ZNF614: variants seen among roughly 807,000 people sequenced by gnomAD.
ZNF614 encodes zinc finger protein 614.
In ZNF614, 11 loss-of-function variants were observed where a neutral mutation model predicts 12.8. The ratio of observed to expected loss-of-function variants is 0.86; its 90% confidence interval spans 0.54 to 1.43. The LOEUF (loss-of-function observed/expected upper bound fraction) is 1.43, where lower values mean the gene tolerates loss of function less well. ZNF614 is among the 40% of genes most tolerant of loss of function. ZNF614 has a pLI of 0.00. For missense variants in ZNF614, 664 were observed against 708.8 expected, an observed-to-expected ratio of 0.94 and a Z score of 0.72; for synonymous variants, 237 against 237.5, an observed-to-expected ratio of 1.00 and a Z score of 0.02.
intron 2 of ZNF614, among the ~76,000 whole-genome samples, chr19:52,025,090 C>A (rs2086962647): frequency 6.6e-6 from 1 of 152,120 alleles, no homozygotes; most frequent in African/African-American, 2.4e-5. Flanking sequence ...GCCTGGGCAA[C>A]AGAGCAAGAC....
intron 2 of ZNF614, 66 bp from the exon 3 acceptor site, chr19:52,018,560 A>AT: frequency 6.7e-7 from 1 of 1,488,290 alleles, no homozygotes; most frequent in Non-Finnish European, 9.0e-7. Flanking sequence ...GTATAAGATA[A>AT]TTTTTTAAAA....
chr19:52,018,645 C>A, intron 2 of ZNF614, 151 bp from the exon 3 acceptor site: 1 of 725,862 alleles, frequency 1.4e-6, no homozygotes. Context: ...TCTATCTATA[C>A]ATTTTAGCGC....
chr19:52,017,101 A>C lies in ZNF614; in HGVS notation c.497T>G (p.Leu166Arg). The change falls in exon 5 of 5, where the codon CTA becomes CGA. Residue 166 changes from leucine (L) to arginine (R), a missense_variant. Physicochemically the swap from Leu to Arg is moderately radical, Grantham distance 102 (BLOSUM62 -2). Transcript: ENST00000270649. ...VEFIGGEKTL[L>R]HGKHERTHTK... Reference sequence around the variant, plus strand: ...ATGCGTACGTTCATGCTTACCATGTAGAAGTGTTTTCTCACCTCCAATAAA... The same window carrying C: ...ATGCGTACGTTCATGCTTACCATGTCGAAGTGTTTTCTCACCTCCAATAAA... The C allele has an allele frequency of 1.9e-6, 3 of 1,614,224 alleles. No individual in the cohort carries two copies. Among genetic ancestry groups the C allele is most frequent in the Non-Finnish European group, 2.5e-6 (3 of 1,180,038 alleles).
chr19:52,026,853 G>A (rs2086978261), intron 1 of ZNF614, among the ~76,000 whole-genome samples: 1 of 152,192 alleles, frequency 6.6e-6, no homozygotes, highest in Non-Finnish European at 1.5e-5. Flanking sequence ...TTGTGTGCGT[G>A]CACATCAAGG....
chr19:52,016,191 G>A lies in ZNF614; in HGVS notation c.1407C>T (p.Cys469=). The change falls in exon 5 of 5, where the codon TGC becomes TGT. Residue 469 remains cysteine, a synonymous_variant. Coordinates refer to ENST00000270649, the MANE Select transcript of ZNF614 (RefSeq NM_025040.4). ...TATGACATCTCTCATGTTGTATGAG[G>A]CATATTTTCTGGCTGAAGGCTTTAC... The part of the protein sequence containing the change: ...ECGKAFSQKI[C]LIQHERCHTG... 6.2e-7 allele frequency: 1 copy of A among 1,614,032 alleles called. No individual in the cohort carries two copies. The highest frequency in any genetic ancestry group is 1.1e-5 in the South Asian group (1 of 91,084).
chr19:52,017,975 C>T, intron 4 of ZNF614, 33 bp downstream of exon 4: 1 of 1,548,542 alleles, frequency 6.5e-7, no homozygotes. Context: ...AATAAGACTC[C>T]TATAGCCACT....
At chr19:52,025,583 G>A (rs1312685520) in intron 2 of ZNF614, 148 bp downstream of exon 2, 3 of 861,942 alleles carry the variant, frequency 3.5e-6, no homozygotes, top group African/African-American at 1.7e-5. Flanking sequence ...TACTTCTTAA[G>A]GCAGAATGAA....
At position 52,014,589 on chromosome 19, in the gene ZNF614, T is replaced by C. The variant is rs530342970; in HGVS notation, c.*1251A>G. 1 of 152,316 alleles carries C rather than the reference T, an allele frequency of 6.6e-6. No individual in the cohort carries two copies. Among genetic ancestry groups the C allele is most frequent in the African/African-American group, 2.4e-5 (1 of 41,560 alleles). The allele number at this position is 152,316 out of a possible 1,614,324, so 9.4% of individuals were successfully genotyped here. On this transcript the variant is annotated 3_prime_UTR_variant, in exon 5 of 5. Coordinates refer to ENST00000270649, the MANE Select transcript of ZNF614 (RefSeq NM_025040.4). ...ATGAACACTCAAATGAAGAGGTACA[T>C]AGAGTAAAGCCTAAAAAGGGTTCTC...
chr19:52,017,257 A>G lies in ZNF614; in HGVS notation c.341T>C (p.Val114Ala). 6.2e-7 allele frequency: 1 copy of G among 1,614,084 alleles called. No homozygotes were observed. The highest frequency in any genetic ancestry group is 1.3e-5 in the African/African-American group (1 of 75,058). Reference protein sequence around the residue: ...CNGQNTLRNIVHLSKTHFPIV... With the variant: ...CNGQNTLRNIAHLSKTHFPIV... ...AGGAAAATGTGTCTTGCTGAGATGT[A>G]CAATATTTCTAAGTGTATTCTGTCC... Residue 114 changes from valine to alanine, a missense_variant, in exon 5 of 5, where the codon GTA becomes GCA. Physicochemically the swap from Val to Ala is moderately conservative, Grantham distance 64. Coordinates refer to ENST00000270649, the MANE Select transcript of ZNF614 (RefSeq NM_025040.4).
rs2086891230 is a variant in ZNF614, at chr19:52,015,612, A to C, written c.*228T>G. The C allele has an allele frequency of 2.3e-6, 1 of 444,088 alleles. No homozygotes were observed. Among genetic ancestry groups the C allele is most frequent in the Non-Finnish European group, 4.0e-6 (1 of 250,946 alleles). 27.5% of individuals were successfully genotyped at this position (444,088 alleles called of 1,614,324 possible). On this transcript the variant is annotated 3_prime_UTR_variant, in exon 5 of 5. Transcript: ENST00000270649. ...TTCAACGTATTTTCATTGACAGAAA[A>C]TATGAGGTAAAAGACCACTAAAGGC...
Position 52,015,621 on chromosome 19 carries a change from A to G in ZNF614, c.*219T>C, listed in dbSNP as rs2086891301. 1 of 468,352 alleles carries G rather than the reference A, an allele frequency of 2.1e-6. No homozygotes were observed. Among genetic ancestry groups the G allele is most frequent in the Admixed American group, 3.8e-5 (1 of 26,308 alleles). The allele number at this position is 468,352 out of a possible 1,614,324, so 29.0% of individuals were successfully genotyped here. ...TTTTCATTGACAGAAAATATGAGGTAAAAGACCACTAAAGGCACTACCTTA... is the reference window on the plus strand; with the variant it reads ...TTTTCATTGACAGAAAATATGAGGTGAAAGACCACTAAAGGCACTACCTTA... On this transcript the variant is annotated 3_prime_UTR_variant, in exon 5 of 5. Transcript: ENST00000270649.
intron 2 of ZNF614, among the ~76,000 whole-genome samples, chr19:52,022,371 C>A (rs2123125314): frequency 6.6e-6 from 1 of 152,068 alleles, no homozygotes; most frequent in East Asian, 1.9e-4. Flanking sequence ...AGCACCTCTG[C>A]CCGGCCGCCC....
intron 3 of ZNF614, 33 bp downstream of exon 3, chr19:52,018,335 C>T (rs775729616): frequency 1.9e-6 from 3 of 1,613,434 alleles, no homozygotes; most frequent in Non-Finnish European, 2.5e-6. Flanking sequence ...GCATTGTAGG[C>T]ACCTCTAGGT....
chr19:52,023,839 G>T (rs1338464676), intron 2 of ZNF614, among the ~76,000 whole-genome samples: 2 of 152,054 alleles, frequency 1.3e-5, no homozygotes, highest in Non-Finnish European at 2.9e-5. Context: ...GCTCTTCCAT[G>T]GCCTCAGGAA....
Position 52,019,329 on chromosome 19 carries a change from C to T in ZNF614, c.16-835G>A, listed in dbSNP as rs200789318. ...CAAAGAAGTTAATAAATATGAAATA[C>T]AGAGTTGCAAGACCTAGTGTATGCC... On this transcript the variant is annotated intron_variant, in intron 2 of 4. Coordinates refer to ENST00000270649, the MANE Select transcript of ZNF614 (RefSeq NM_025040.4). 2.0e-5 allele frequency among the ~76,000 whole-genome samples: 3 copies of T among 152,178 alleles called. No individual in the cohort carries two copies. The East Asian group carries it at 5.8e-4, about 29-fold the overall frequency.
chr19:52,023,139 ACT>A (rs1046895195), intron 2 of ZNF614, among the ~76,000 whole-genome samples: 1 of 149,840 alleles, frequency 6.7e-6, no homozygotes, highest in Non-Finnish European at 1.5e-5. Context: ...ACAGAGCGAG[ACT>A]CTGTCTCAAA....
Position 52,028,334 on chromosome 19 carries a change from A to G in ZNF614, c.-309T>C, listed in dbSNP as rs1481364160. The G allele has an allele frequency of 6.7e-6, 1 of 148,912 alleles. No individual in the cohort carries two copies. Among genetic ancestry groups the G allele is most frequent in the African/African-American group, 2.4e-5 (1 of 40,904 alleles). 9.2% of individuals were successfully genotyped at this position (148,912 alleles called of 1,614,324 possible). A position where few individuals can be genotyped will look rare whatever the true frequency, so the allele number is the denominator to read the frequency against. ...CCTATTCAGACGCGCTCCTGCGCGG[A>G]CTCCGGGAAGCTGAGCGGTAAAGAC... is the stretch of plus-strand genomic sequence containing the variant. On this transcript the variant is annotated 5_prime_UTR_variant, in exon 1 of 5. Coordinates refer to ENST00000270649, the MANE Select transcript of ZNF614 (RefSeq NM_025040.4).
In ZNF614 at chr19:52,017,374, AG is replaced by A. The variant is rs2086906173; in HGVS notation, c.239-16del. ...TTTCCCGATTCCTAAGAAAGAACAGAGTAACAAATTCTTCCATGAGAATTGT... is the reference window on the plus strand; with the variant it reads ...TTTCCCGATTCCTAAGAAAGAACAGATAACAAATTCTTCCATGAGAATTGT... On this transcript the variant is annotated splice_polypyrimidine_tract_variant and intron_variant, in intron 4 of 4. Transcript: ENST00000270649. 6.4e-7 allele frequency: 1 copy of A among 1,568,924 alleles called. No individual in the cohort carries two copies. Among genetic ancestry groups the A allele is most frequent in the African/African-American group, 1.4e-5 (1 of 73,232 alleles).
rs2086884948 is a variant in ZNF614, at chr19:52,014,507, G to C, written c.*1333C>G. On this transcript the variant is annotated 3_prime_UTR_variant, in exon 5 of 5. Coordinates refer to ENST00000270649, the MANE Select transcript of ZNF614 (RefSeq NM_025040.4). Reference sequence around the variant, plus strand: ...ACTCAGGTTTGATAATTTGCTACAGGGCTCACAAAACTCAAGAAAACAGCG... The same window carrying C: ...ACTCAGGTTTGATAATTTGCTACAGCGCTCACAAAACTCAAGAAAACAGCG... 1 of 152,080 alleles carries C rather than the reference G, an allele frequency of 6.6e-6. No homozygotes were observed. The highest frequency in any genetic ancestry group is 2.4e-5 in the African/African-American group (1 of 41,386). 9.4% of individuals were successfully genotyped at this position (152,080 alleles called of 1,614,324 possible). A position where few individuals can be genotyped will look rare whatever the true frequency, so the allele number is the denominator to read the frequency against.
Sources: allele counts gnomAD v4.1 joint callset (sites outside exome capture counted in the v4.1 genomes callset), GRCh38; gene constraint gnomAD v4.1.1; transcripts MANE v1.5; gene names NCBI Gene and HGNC (gene_info 2026-07-23, HGNC 2026-07-21).